Variants in ASXL2 observed in about 807,000 individuals in gnomAD.
The protein encoded by ASXL2 is ASXL transcriptional regulator 2, also known as putative Polycomb group protein ASXL2.
Under a neutral mutation model 122.0 loss-of-function variants are expected in ASXL2, and 23 were observed. The ratio of observed to expected loss-of-function variants is 0.19; its 90% CI spans 0.14 to 0.27. The LOEUF is 0.27. Among genes scored for constraint, ASXL2 ranks in the 10% least tolerant of loss-of-function variants. The pLI is 1.00. For missense variants in ASXL2, 1,518 were observed against 1,713.8 expected (o/e 0.89, Z 2.02); for synonymous variants, 650 against 637.0 (o/e 1.02, Z -0.31).
chr2:25,749,645 A>G, intron 12 of ASXL2, 51 bp downstream of exon 12: 1 of 1,419,724 alleles, frequency 7.0e-7, no homozygotes, highest in Non-Finnish European at 9.3e-7. Flanking sequence ...TATGACCAAA[A>G]ACATAGGGTT....
chr2:25,745,233 G>A (rs1232218692), intron 12 of ASXL2, among the ~76,000 whole-genome samples: 1 of 139,988 alleles, frequency 7.1e-6, no homozygotes, highest in Non-Finnish European at 1.5e-5. Flanking sequence ...TTTTTTTTTA[G>A]ATAGGGTCTT....
At chr2:25,836,394 A>C (rs1461733310) in intron 2 of ASXL2, among the ~76,000 whole-genome samples, 2 of 152,016 alleles carry the variant, frequency 1.3e-5, no homozygotes, top group South Asian at 2.1e-4. Context: ...CAAATGATCT[A>C]CTCTGCAGGG....
Position 25,743,136 on chromosome 2 carries a change from A to G in ASXL2, c.3201T>C (p.Leu1067=), listed in dbSNP as rs751487556. ...GLSKATQDQI[L]QTLIQRVRRQ... is the part of the protein sequence containing the mutation. Reference sequence around the variant, plus strand: ...TCCGAACCCTCTGAATGAGAGTCTGAAGGATCTGATCTTGGGTTGCTTTAC... The same window carrying G: ...TCCGAACCCTCTGAATGAGAGTCTGGAGGATCTGATCTTGGGTTGCTTTAC... The change falls in exon 13 of 13, where the codon CTT becomes CTC. Residue 1067 remains leucine (L), a synonymous_variant. Coordinates refer to ENST00000435504, the MANE Select transcript of ASXL2 (RefSeq NM_018263.6). 1 of 1,613,980 alleles carries G rather than the reference A, an allele frequency of 6.2e-7. No homozygotes were observed. Among genetic ancestry groups the G allele is most frequent in the South Asian group, 1.1e-5 (1 of 91,082 alleles).
At chr2:25,806,149 T>G (rs2089077823) in intron 4 of ASXL2, 80 bp downstream of exon 4, 1 of 855,024 alleles carries the variant, frequency 1.2e-6, no homozygotes, top group Non-Finnish European at 1.9e-6. Flanking sequence ...AGAACAGAAT[T>G]CTGTCCCTAC....
At chr2:25,855,005 A>C (rs984549177) in intron 1 of ASXL2, among the ~76,000 whole-genome samples, 2 of 151,870 alleles carry the variant, frequency 1.3e-5, no homozygotes, top group African/African-American at 2.4e-5. Context: ...TCCCTCAAGA[A>C]CCTCCTCAGC....
intron 11 of ASXL2, among the ~76,000 whole-genome samples, 176 bp downstream of exon 11, chr2:25,753,358 T>A (rs2149142796): frequency 1.4e-5 from 2 of 144,316 alleles, no homozygotes; most frequent in South Asian, 4.3e-4. Flanking sequence ...CCGTGATTCA[T>A]AATAAGAAAA....
At chr2:25,830,394 G>A (rs1574438020) in intron 3 of ASXL2, among the ~76,000 whole-genome samples, 1 of 152,202 alleles carries the variant, frequency 6.6e-6, no homozygotes, top group South Asian at 2.1e-4. Flanking sequence ...CACTTTGGGA[G>A]GCCGAGACAG....
At chr2:25,808,702 T>G (rs1417815927) in intron 3 of ASXL2, among the ~76,000 whole-genome samples, 1 of 152,218 alleles carries the variant, frequency 6.6e-6, no homozygotes, top group Non-Finnish European at 1.5e-5. Context: ...AGAGACCTGT[T>G]CTTTATTTCA....
intron 3 of ASXL2, among the ~76,000 whole-genome samples, chr2:25,815,051 T>G (rs1254054885): frequency 1.3e-5 from 2 of 152,194 alleles, no homozygotes; most frequent in Non-Finnish European, 2.9e-5. Context: ...ACCAACTTAC[T>G]ATCCTACCCT....
chr2:25,772,899 T>C (rs544694804), intron 5 of ASXL2, among the ~76,000 whole-genome samples: 2 of 152,126 alleles, frequency 1.3e-5, no homozygotes, highest in African/African-American at 2.4e-5. Flanking sequence ...TTAAAGAAGA[T>C]AGCATCAAAC....
Position 25,776,499 on chromosome 2 carries a change from A to G in ASXL2, c.404-4959T>C, listed in dbSNP as rs142939421. On this transcript the variant is annotated intron_variant, in intron 5 of 12. Coordinates refer to ENST00000435504, the MANE Select transcript of ASXL2 (RefSeq NM_018263.6). ...GCAGATGTTTTATGTATGTGCTTTT[A>G]GTCTCTTGGGTTCATTCCTATGAGT... 5.1e-4 allele frequency among the ~76,000 whole-genome samples: 77 copies of G among 152,266 alleles called. No individual in the cohort carries two copies. In the East Asian group the frequency reaches 0.014, roughly 28 times the overall value.
intron 4 of ASXL2, among the ~76,000 whole-genome samples, chr2:25,803,133 AAATGAATGAATG>A (rs70950123): frequency 5.4e-5 from 8 of 148,740 alleles, no homozygotes; most frequent in East Asian, 2.0e-4. Context: ...CTCCATCTCA[AAATGAATGAATG>A]AATGAATGAA....
chr2:25,863,979 C>G (rs1223603966), intron 1 of ASXL2, among the ~76,000 whole-genome samples: 1 of 149,406 alleles, frequency 6.7e-6, no homozygotes, highest in Non-Finnish European at 1.5e-5. Context: ...GCACGCCAGC[C>G]TGGGTAACAG....
chr2:25,806,277 C>T lies in ASXL2; in HGVS notation c.204G>A (p.Glu68=), dbSNP rs1225527501. The change falls in exon 4 of 13, where the codon GAG becomes GAA. Residue 68 remains glutamate, a synonymous_variant. Transcript: ENST00000435504. ...TACCTGGAACCTTATAGAAGATGCC[C>T]TCTTCACCTCTGGAGTTTGTGTGAA... ...AMLHTNSRGE[E]GIFYKVPGRM... The T allele has an allele frequency of 1.9e-6, 3 of 1,613,512 alleles. No individual in the cohort carries two copies. Among genetic ancestry groups the T allele is most frequent in the Non-Finnish European group, 2.5e-6 (3 of 1,179,668 alleles).
intron 3 of ASXL2, among the ~76,000 whole-genome samples, chr2:25,828,563 C>T (rs931864624): frequency 7.4e-5 from 11 of 148,868 alleles, no homozygotes; most frequent in African/African-American, 2.2e-4. Flanking sequence ...CAGTAGCTCA[C>T]GCCTGTAATC....
Position 25,822,272 on chromosome 2 carries a change from A to T in ASXL2, c.143+13266T>A, listed in dbSNP as rs182980667. Among the ~76,000 whole-genome samples the T allele has an allele frequency of 1.2e-4, 19 of 152,250 alleles. No homozygotes were observed. The East Asian group carries it at 3.1e-3, about 25-fold the overall frequency. On this transcript the variant is annotated intron_variant, in intron 3 of 12. Transcript: ENST00000435504. ...ACACTTTTCTCTTCTCCCCGACCGG[A>T]GGGGCCGCTCTTTCTGCGCGGTGCA...
intron 2 of ASXL2, among the ~76,000 whole-genome samples, chr2:25,840,748 TTTTG>T (rs1288645902): frequency 6.6e-6 from 1 of 152,256 alleles, no homozygotes; most frequent in Non-Finnish European, 1.5e-5. Context: ...ATATACCTTA[TTTTG>T]TTTATTCATT....
chr2:25,865,175 A>G (rs1381380875), intron 1 of ASXL2, among the ~76,000 whole-genome samples: 1 of 151,172 alleles, frequency 6.6e-6, no homozygotes, highest in Admixed American at 6.6e-5. Flanking sequence ...TCACGCTTGT[A>G]ATGTCAGCAC....
At chr2:25,753,743 T>C in intron 10 of ASXL2, 104 bp from the exon 11 acceptor site, 2 of 856,306 alleles carry the variant, frequency 2.3e-6, no homozygotes, top group Non-Finnish European at 1.8e-6. Context: ...AATACTACCA[T>C]GTGAAAGTAA....
Sources: allele counts gnomAD v4.1 joint callset (sites outside exome capture counted in the v4.1 genomes callset), GRCh38; gene constraint gnomAD v4.1.1; transcripts MANE v1.5; gene names NCBI Gene and HGNC (gene_info 2026-07-23, HGNC 2026-07-21).